BRCA2: variants seen among roughly 807,000 people sequenced by gnomAD.
BRCA2 encodes BRCA2 DNA repair associated, also known as breast cancer type 2 susceptibility protein.
Under a neutral mutation model 276.7 loss-of-function variants are expected in BRCA2, and 203 were observed. The observed-to-expected ratio is 0.73, with a 90% CI of 0.65 to 0.82. The LOEUF is 0.82. Among genes scored for constraint, BRCA2 ranks in the 40% least tolerant of loss-of-function variants. The pLI is 0.00. For synonymous variants in BRCA2, 1,289 were observed against 1,338.4 expected (o/e 0.96, Z 0.81); for missense variants, 3,920 against 3,915.0 (o/e 1.00, Z -0.03).
intron 18 of BRCA2, 123 bp from the exon 19 acceptor site, chr13:32,370,279 C>G: frequency 1.0e-6 from 1 of 959,650 alleles, no homozygotes; most frequent in Non-Finnish European, 1.6e-6. Flanking sequence ...ACTAATCTTC[C>G]TAAGACTTTT....
At chr13:32,352,033 C>T (rs1433956517) in intron 13 of BRCA2, among the ~76,000 whole-genome samples, 1 of 152,096 alleles carries the variant, frequency 6.6e-6, no homozygotes, top group Admixed American at 6.5e-5. Context: ...GATCTCCTGA[C>T]CTCGTGATCC....
At chr13:32,343,970 T>C (rs1257312889) in intron 11 of BRCA2, among the ~76,000 whole-genome samples, 1 of 152,122 alleles carries the variant, frequency 6.6e-6, no homozygotes, top group Admixed American at 6.5e-5. Context: ...TTATATATTA[T>C]CTCAGCATGA....
chr13:32,324,961 C>G (rs2072332616), intron 3 of BRCA2, 115 bp from the exon 4 acceptor site: 1 of 744,172 alleles, frequency 1.3e-6, no homozygotes, highest in Non-Finnish European at 2.3e-6. Context: ...TTACAACTCC[C>G]TATACATTCT....
At chr13:32,359,029 C>G (rs1209445551) in intron 16 of BRCA2, among the ~76,000 whole-genome samples, 7 of 151,936 alleles carry the variant, frequency 4.6e-5, no homozygotes, top group Non-Finnish European at 1.0e-4. Flanking sequence ...TGAAACCAGC[C>G]TGGCCAACAT....
At position 32,339,319 on chromosome 13, in the gene BRCA2, AC is replaced by A. The variant is rs80359475; in HGVS notation, c.4965del (p.Tyr1655Ter). The A allele has an allele frequency of 6.2e-7, 1 of 1,601,962 alleles. No individual in the cohort carries two copies. Among genetic ancestry groups the A allele is most frequent in the East Asian group, 2.2e-5 (1 of 44,800 alleles). ...ACAGCAAAAAGTCCTGCAACTTGTT[AC>A]ACAAATCAGTCCCCTTATTCAGTCA... ...KETAKSPATCYTNQSPYSVIE... is the reference protein window; with the variant it reads ...KETAKSPATCXTNQSPYSVIE... On this transcript the variant is annotated frameshift_variant, in exon 11 of 27. Coordinates refer to ENST00000380152, the MANE Select transcript of BRCA2 (RefSeq NM_000059.4). LOFTEE classifies it high-confidence loss of function.
intron 21 of BRCA2, 56 bp downstream of exon 21, chr13:32,376,847 T>C (rs2137613942): frequency 3.1e-6 from 5 of 1,602,840 alleles, no homozygotes; most frequent in Non-Finnish European, 4.3e-6. Flanking sequence ...GGTGAGAAGC[T>C]GTTTTAGACT....
At chr13:32,318,371 C>T (rs2072278542) in intron 2 of BRCA2, among the ~76,000 whole-genome samples, 1 of 152,086 alleles carries the variant, frequency 6.6e-6, no homozygotes, top group African/African-American at 2.4e-5. Flanking sequence ...TCCTCATACC[C>T]ATAGTTTGCC....
At chr13:32,374,203 G>A (rs920275294) in intron 20 of BRCA2, among the ~76,000 whole-genome samples, 8 of 152,258 alleles carry the variant, frequency 5.3e-5, no homozygotes, top group Non-Finnish European at 1.0e-4. Flanking sequence ...AGGCCTCAAG[G>A]CCTGTGATAG....
intron 13 of BRCA2, among the ~76,000 whole-genome samples, chr13:32,352,259 A>C (rs1031286354): frequency 1.3e-5 from 2 of 152,092 alleles, no homozygotes; most frequent in East Asian, 3.9e-4. Context: ...AGTTGTATTA[A>C]ATAAGAAAGG....
At chr13:32,315,842 A>T (rs1379332639) in intron 1 of BRCA2, among the ~76,000 whole-genome samples, 175 bp downstream of exon 1, 1 of 152,158 alleles carries the variant, frequency 6.6e-6, no homozygotes, top group Non-Finnish European at 1.5e-5. Flanking sequence ...ATTTTCGCCA[A>T]GCAAATTCGA....
chr13:32,339,607 A>C lies in BRCA2; in HGVS notation c.5252A>C (p.Tyr1751Ser), dbSNP rs1341974678. ...AGTAGCATGTCTAACAGCTATTCCTACCATTCTGATGAGGTATATAATGAT... is the reference window on the plus strand; with the variant it reads ...AGTAGCATGTCTAACAGCTATTCCTCCCATTCTGATGAGGTATATAATGAT... ...SNSSMSNSYSYHSDEVYNDSG... is the reference protein window; with the variant it reads ...SNSSMSNSYSSHSDEVYNDSG... Residue 1751 changes from tyrosine (Y) to serine (S), a missense_variant, in exon 11 of 27, where the codon TAC (tyrosine) becomes TCC (serine). Coordinates refer to ENST00000380152, the MANE Select transcript of BRCA2 (RefSeq NM_000059.4). 6.2e-7 allele frequency: 1 copy of C among 1,611,600 alleles called. No homozygotes were observed. The highest frequency in any genetic ancestry group is 8.5e-7 in the Non-Finnish European group (1 of 1,178,416).
In BRCA2 at chr13:32,340,441, A is replaced by G. The variant is rs80358847; in HGVS notation, c.6086A>G (p.Glu2029Gly). ...NEHSDQLTRE[E>G]NTAIRTPEHL... Reference sequence around the variant, plus strand: ...CATTCAGACCAGCTCACAAGAGAAGAAAATACTGCTATACGTACTCCAGAA... The same window carrying G: ...CATTCAGACCAGCTCACAAGAGAAGGAAATACTGCTATACGTACTCCAGAA... The change falls in exon 11 of 27, where the codon GAA becomes GGA. Residue 2029 changes from glutamate (E) to glycine (G), a missense_variant. Glu to Gly is a moderately conservative substitution (Grantham distance 98, BLOSUM62 -2). Around this residue, in one of 2 missense-constraint regions of BRCA2, gnomAD observed 3,263 missense variants for 3,156.9 expected, o/e 1.03. Transcript: ENST00000380152. 2 of 1,613,914 alleles carry G rather than the reference A, an allele frequency of 1.2e-6. No homozygotes were observed. The highest frequency in any genetic ancestry group is 4.5e-5 in the East Asian group (2 of 44,838).
rs71071031 is a variant in BRCA2 at position 32,368,001 on chromosome 13, C to CTT, written c.8332-2366_8332-2365dup. On this transcript the variant is annotated intron_variant, in intron 18 of 26. Coordinates refer to ENST00000380152, the MANE Select transcript of BRCA2 (RefSeq NM_000059.4). ...ATTAGGGTTGTCTTTTCTTCTAATT[C>CTT]TTTTTTTTTTTTTTTTTTTTTTTTT... Among the ~76,000 whole-genome samples, 68 of 50,768 alleles carry CTT rather than the reference C, an allele frequency of 1.3e-3. 20 individuals carry two copies. Among genetic ancestry groups the CTT allele is most frequent in the Admixed American group, 4.7e-3 (14 of 2,982 alleles). 33.3% of individuals were successfully genotyped at this position (50,768 alleles called of 152,430 possible).
At position 32,326,012 on chromosome 13, in the gene BRCA2, T is replaced by C. The variant is rs3783265; in HGVS notation, c.426-89T>C. 50,474 of 1,154,466 alleles carry C rather than the reference T, an allele frequency of 0.044. 1,763 individuals carry two copies. Among genetic ancestry groups the C allele is most frequent in the East Asian group, 0.12 (5,009 of 41,990 alleles). 71.5% of individuals were successfully genotyped at this position (1,154,466 alleles called of 1,614,324 possible). A position where few individuals can be genotyped will look rare whatever the true frequency, so the allele number is the denominator to read the frequency against. ...AAAAGTAGTATTCCAACAATTTATA[T>C]GAATGAGAATCTTCTTTTAAAAATA... On this transcript the variant is annotated intron_variant, in intron 4 of 26. Coordinates refer to ENST00000380152, the MANE Select transcript of BRCA2 (RefSeq NM_000059.4).
At chr13:32,387,225 G>A (rs2072966703) in intron 24 of BRCA2, among the ~76,000 whole-genome samples, 1 of 152,172 alleles carries the variant, frequency 6.6e-6, no homozygotes, top group Non-Finnish European at 1.5e-5. Context: ...AAAGAAAATA[G>A]TTAGATTAAG....
chr13:32,397,066 G>C (rs2137659996), intron 26 of BRCA2, 22 bp downstream of exon 26: 1 of 1,608,856 alleles, frequency 6.2e-7, no homozygotes, highest in South Asian at 1.1e-5. Flanking sequence ...TAAACTCAAG[G>C]AATATTATAA....
chr13:32,358,205 G>A (rs753975830), intron 16 of BRCA2, among the ~76,000 whole-genome samples: 2 of 152,248 alleles, frequency 1.3e-5, no homozygotes, highest in Non-Finnish European at 2.9e-5. Context: ...GCCGGGTACA[G>A]TGGCTCATGC....
chr13:32,361,616 T>A (rs966449096), intron 16 of BRCA2, among the ~76,000 whole-genome samples: 5 of 152,198 alleles, frequency 3.3e-5, no homozygotes, highest in Non-Finnish European at 7.4e-5. Context: ...AGGCATTTCC[T>A]GATCGTTGGC....
In BRCA2 at chr13:32,333,387, G is replaced by T. The variant is rs1414106706; in HGVS notation, c.1909G>T (p.Gly637Cys). ...ACTTACATTTGCAAATGCTGATTCA[G>T]GTACCTCTGTCTTTTTTTTTTTGTA... ...APLTFANADS[G>C]LLHSSVKRSC... The change falls in exon 10 of 27, where the codon GGT becomes TGT. Residue 637 changes from glycine to cysteine, a missense_variant and splice_region_variant. This residue lies in a region of BRCA2 where 3,263 missense variants were observed against 3,156.9 expected (regional missense o/e 1.03). Coordinates refer to ENST00000380152, the MANE Select transcript of BRCA2 (RefSeq NM_000059.4). 1.2e-6 allele frequency: 2 copies of T among 1,609,392 alleles called. No individual in the cohort carries two copies. Among genetic ancestry groups the T allele is most frequent in the South Asian group, 2.2e-5 (2 of 89,298 alleles).
Sources: allele counts gnomAD v4.1 joint callset (sites outside exome capture counted in the v4.1 genomes callset), GRCh38; gene constraint gnomAD v4.1.1; regional missense constraint gnomAD v4.1.1; transcripts MANE v1.5; gene names NCBI Gene and HGNC (gene_info 2026-07-23, HGNC 2026-07-21).